APOBEC3D: variants seen among roughly 807,000 people sequenced by gnomAD.
APOBEC3D encodes the protein apolipoprotein B mRNA editing enzyme catalytic subunit 3D.
In APOBEC3D, 37 loss-of-function variants were observed where a neutral mutation model predicts 45.6. That is an observed-to-expected ratio of 0.81 (90% CI 0.62 to 1.07). The LOEUF is 1.07. Ranked by LOEUF, APOBEC3D falls within the 50% of genes least tolerant of loss-of-function variation. APOBEC3D has a pLI of 0.00. For missense variants in APOBEC3D, 496 were observed against 495.3 expected (o/e 1.00, Z -0.01); for synonymous variants, 175 against 180.7 (o/e 0.97, Z 0.25).
At chr22:39,021,640 A>G in intron 1 of APOBEC3D, 104 bp downstream of exon 1, 1 of 1,526,870 alleles carries the variant, frequency 6.5e-7, no homozygotes, top group Non-Finnish European at 9.0e-7. Flanking sequence ...CCAGCCCTGG[A>G]CTTCCTTCCC....
At position 39,029,400 on chromosome 22, in the gene APOBEC3D, T is replaced by A; in HGVS notation, c.643T>A (p.Phe215Ile). Reference protein sequence around the residue: ...MEAMYPHIFYFHFKNLLKACG... With the variant: ...MEAMYPHIFYIHFKNLLKACG... ...GGCAATGTACCCACACATATTCTAC[T>A]TCCACTTTAAAAACCTACTGAAAGC... is the stretch of plus-strand genomic sequence containing the variant. Residue 215 changes from phenylalanine to isoleucine, a missense_variant, in exon 5 of 7, where the codon TTC becomes ATC. Physicochemically the swap from Phe to Ile is conservative, Grantham distance 21. Transcript: ENST00000216099. The A allele has an allele frequency of 3.7e-6, 6 of 1,614,174 alleles. No homozygotes were observed. The highest frequency in any genetic ancestry group is 5.1e-6 in the Non-Finnish European group (6 of 1,180,034).
chr22:39,031,996 G>T lies in APOBEC3D; in HGVS notation c.1042+23G>T, dbSNP rs563315853. On this transcript the variant is annotated intron_variant, in intron 6 of 6. Coordinates refer to ENST00000216099, the MANE Select transcript of APOBEC3D (RefSeq NM_152426.4). ...AAGGTGAGACGTGGGGGGCTGAGGAGAGTGGGTGCGGGAGGGACAGCATGA... is the reference window on the plus strand; with the variant it reads ...AAGGTGAGACGTGGGGGGCTGAGGATAGTGGGTGCGGGAGGGACAGCATGA... 16 of 1,613,714 alleles carry T rather than the reference G, an allele frequency of 9.9e-6. No homozygotes were observed. In the South Asian group the frequency reaches 1.8e-4, roughly 18 times the overall value.
Position 39,025,728 on chromosome 22 carries a change from C to T in APOBEC3D, c.605+57C>T, listed in dbSNP as rs558890879. The stretch of plus-strand genomic sequence containing the variant: ...CTCCTCTCGCCTCCTGCTCATCCTC[C>T]TGAGGACTCCCCTGGCTGGGCCCTC... On this transcript the variant is annotated intron_variant, in intron 4 of 6. Transcript: ENST00000216099. 1.8e-4 allele frequency: 285 copies of T among 1,611,978 alleles called. No homozygotes were observed. In the African/African-American group the frequency reaches 3.4e-3, roughly 19 times the overall value.
chr22:39,025,518 CA>C (rs749341019), intron 3 of APOBEC3D, 38 bp from the exon 4 acceptor site: 73 of 1,613,996 alleles, frequency 4.5e-5, no homozygotes, highest in Non-Finnish European at 8.5e-6. Flanking sequence ...GGCCCAGGGT[CA>C]GGGGAGAGCC....
Position 39,032,225 on chromosome 22 carries a change from T to C in APOBEC3D, c.1070T>C (p.Val357Ala). 6.2e-7 allele frequency: 1 copy of C among 1,613,954 alleles called. No homozygotes were observed. Among genetic ancestry groups the C allele is most frequent in the Non-Finnish European group, 8.5e-7 (1 of 1,179,952 alleles). ...TTTGTATCTTGTTGGAAAAACTTTG[T>C]GTACAGTGATGATGAGCCATTCAAG... ...KDFVSCWKNF[V>A]YSDDEPFKPW... Residue 357 changes from valine (V) to alanine (A), a missense_variant, in exon 7 of 7, where the codon GTG becomes GCG. Transcript: ENST00000216099.
At position 39,031,986 on chromosome 22, in the gene APOBEC3D, G is replaced by C. The variant is rs748446220; in HGVS notation, c.1042+13G>C. 2.4e-5 allele frequency: 38 copies of C among 1,613,752 alleles called. No individual in the cohort carries two copies. The highest frequency in any genetic ancestry group is 1.3e-5 in the African/African-American group (1 of 74,912). ...ATGGGCTACAAAGGTGAGACGTGGG[G>C]GGCTGAGGAGAGTGGGTGCGGGAGG... On this transcript the variant is annotated intron_variant, in intron 6 of 6. Transcript: ENST00000216099.
At chr22:39,030,925 C>T (rs184789255) in intron 5 of APOBEC3D, among the ~76,000 whole-genome samples, 7 of 152,308 alleles carry the variant, frequency 4.6e-5, no homozygotes, top group Admixed American at 1.3e-4. Context: ...CCCAACACAT[C>T]GTGAGGCCTA....
At position 39,025,057 on chromosome 22, in the gene APOBEC3D, G is replaced by GCT; in HGVS notation, c.211-11_211-10dup. 1.5e-6 allele frequency: 2 copies of GCT among 1,311,884 alleles called. No homozygotes were observed. The highest frequency in any genetic ancestry group is 1.3e-5 in the South Asian group (1 of 76,918). The allele number at this position is 1,311,884 out of a possible 1,614,324, so 81.3% of individuals were successfully genotyped here. A position where few individuals can be genotyped will look rare whatever the true frequency, so the allele number is the denominator to read the frequency against. The stretch of plus-strand genomic sequence containing the variant: ...CCGTCCCAGAGCTTCCCCTGCCCCT[G>GCT]CTCCTCTCCCAGGTGTATTTCCGGT... On this transcript the variant is annotated splice_polypyrimidine_tract_variant and intron_variant, in intron 2 of 6. Coordinates refer to ENST00000216099, the MANE Select transcript of APOBEC3D (RefSeq NM_152426.4).
chr22:39,022,739 C>T lies in APOBEC3D; in HGVS notation c.18-83C>T, dbSNP rs146725332. On this transcript the variant is annotated intron_variant, in intron 1 of 6. Coordinates refer to ENST00000216099, the MANE Select transcript of APOBEC3D (RefSeq NM_152426.4). ...GGGTGGGGGAGGCCCAGGGCCGTCC[C>T]GGGAGCTGTGTTCAGTGGACATGAG... The T allele has an allele frequency of 7.7e-3, 11,605 of 1,501,460 alleles. 851 individuals carry two copies. In the African/African-American group the frequency reaches 0.15, roughly 19 times the overall value. The allele number at this position is 1,501,460 out of a possible 1,614,324, so 93.0% of individuals were successfully genotyped here.
intron 2 of APOBEC3D, 102 bp from the exon 3 acceptor site, chr22:39,024,968 G>C: frequency 9.3e-7 from 1 of 1,080,660 alleles, no homozygotes; most frequent in Middle Eastern, 3.1e-4. Context: ...TCAATGGCAA[G>C]ATCCCCTGGG....
chr22:39,032,477 C>T lies in APOBEC3D; in HGVS notation c.*161C>T, dbSNP rs1926322564. The T allele has an allele frequency of 2.1e-6, 3 of 1,443,270 alleles. No homozygotes were observed. The highest frequency in any genetic ancestry group is 4.9e-5 in the East Asian group (2 of 40,802). The allele number at this position is 1,443,270 out of a possible 1,614,324, so 89.4% of individuals were successfully genotyped here. On this transcript the variant is annotated 3_prime_UTR_variant, in exon 7 of 7. Transcript: ENST00000216099. ...TGCCCCCCTGCCTCACCACCTCCTC[C>T]CCGCTCTCCCAGGCTCTTCTTGTAG...
intron 5 of APOBEC3D, 69 bp from the exon 6 acceptor site, chr22:39,031,625 C>T (rs979519193): frequency 1.6e-5 from 26 of 1,581,648 alleles, no homozygotes; most frequent in African/African-American, 5.4e-5. Context: ...CTTCTCCCAT[C>T]GCCCCACCCC....
At position 39,032,905 on chromosome 22, in the gene APOBEC3D, C is replaced by G. The variant is rs1328515490; in HGVS notation, c.*589C>G. On this transcript the variant is annotated 3_prime_UTR_variant, in exon 7 of 7. Coordinates refer to ENST00000216099, the MANE Select transcript of APOBEC3D (RefSeq NM_152426.4). The stretch of plus-strand genomic sequence containing the variant: ...GCTGGGATTACGGGCGTGAGCCACC[C>G]GGCTCGGCCGCACAACCAAATCTTA... The G allele has an allele frequency of 6.6e-6, 1 of 152,154 alleles. No individual in the cohort carries two copies. Among genetic ancestry groups the G allele is most frequent in the African/African-American group, 2.4e-5 (1 of 41,150 alleles). 9.4% of individuals were successfully genotyped at this position (152,154 alleles called of 1,614,324 possible).
Position 39,022,884 on chromosome 22 carries a change from T to G in APOBEC3D, c.80T>G (p.Leu27Arg), listed in dbSNP as rs1925258840. 19 of 1,613,254 alleles carry G rather than the reference T, an allele frequency of 1.2e-5. No homozygotes were observed. The highest frequency in any genetic ancestry group is 1.4e-5 in the Non-Finnish European group (16 of 1,179,928). ...FYDNFENEPILYGRSYTWLCY... is the reference protein window; with the variant it reads ...FYDNFENEPIRYGRSYTWLCY... ...GACAACTTTGAAAACGAACCCATCCTCTATGGTCGGAGCTACACTTGGCTG... is the reference window on the plus strand; with the variant it reads ...GACAACTTTGAAAACGAACCCATCCGCTATGGTCGGAGCTACACTTGGCTG... Residue 27 changes from leucine to arginine, a missense_variant, in exon 2 of 7, where the codon CTC (leucine) becomes CGC (arginine). Physicochemically the swap from Leu to Arg is moderately radical, Grantham distance 102 (BLOSUM62 -2). Transcript: ENST00000216099.
chr22:39,029,609 C>T, intron 5 of APOBEC3D, 90 bp downstream of exon 5: 2 of 1,448,874 alleles, frequency 1.4e-6, no homozygotes, highest in Admixed American at 4.1e-5. Flanking sequence ...CGCGTGGGCT[C>T]TGCTATGTGT....
chr22:39,032,244 A>G lies in APOBEC3D; in HGVS notation c.1089A>G (p.Pro363=), dbSNP rs1926298590. The G allele has an allele frequency of 6.2e-7, 1 of 1,614,084 alleles. No individual in the cohort carries two copies. Among genetic ancestry groups the G allele is most frequent in the Non-Finnish European group, 8.5e-7 (1 of 1,180,036 alleles). ...WKNFVYSDDE[P]FKPWKGLQTN... is the part of the protein sequence containing the mutation. ...ACTTTGTGTACAGTGATGATGAGCCATTCAAGCCTTGGAAGGGACTACAAA... is the reference window on the plus strand; with the variant it reads ...ACTTTGTGTACAGTGATGATGAGCCGTTCAAGCCTTGGAAGGGACTACAAA... Residue 363 remains proline (P), a synonymous_variant, in exon 7 of 7, where the codon CCA becomes CCG. Transcript: ENST00000216099.
rs1925093396 is a variant in APOBEC3D at position 39,021,436 on chromosome 22, TGCAAGGAGCC to T, written c.-78_-69del. 5 of 1,606,812 alleles carry T rather than the reference TGCAAGGAGCC, an allele frequency of 3.1e-6. No homozygotes were observed. The highest frequency in any genetic ancestry group is 3.4e-5 in the Admixed American group (2 of 59,614). ...GTCACTTTAAGGAGGGCTGTCCAAC[TGCAAGGAGCC>T]GCAAGCAGGAAGTGAAACCACAGCA... On this transcript the variant is annotated 5_prime_UTR_variant, in exon 1 of 7. Transcript: ENST00000216099.
At chr22:39,029,337 C>T (rs542273414) in intron 4 of APOBEC3D, 26 bp from the exon 5 acceptor site, 6 of 1,613,404 alleles carry the variant, frequency 3.7e-6, no homozygotes, top group East Asian at 2.2e-5. Flanking sequence ...AATCTCTGCA[C>T]TGGGGTTTCT....
chr22:39,031,648 G>T, intron 5 of APOBEC3D, 46 bp from the exon 6 acceptor site: 1 of 1,606,550 alleles, frequency 6.2e-7, no homozygotes, highest in East Asian at 2.2e-5. Flanking sequence ...CACTCCTCCT[G>T]CTCCTGGTCT....
Sources: gnomAD v4.1 joint callset for allele counts (sites outside exome capture counted in the v4.1 genomes callset) on GRCh38, gnomAD v4.1.1 for gene constraint, MANE v1.5 for transcripts, NCBI Gene and HGNC (gene_info 2026-07-23, HGNC 2026-07-21) for gene names.